DNASE1L3: variants seen among roughly 807,000 people sequenced by gnomAD.
DNASE1L3 encodes deoxyribonuclease gamma.
A neutral mutation model predicts 30.9 loss-of-function variants in DNASE1L3; 27 were observed. The ratio of observed to expected loss-of-function variants is 0.87; its 90% CI spans 0.64 to 1.20. The LOEUF (loss-of-function observed/expected upper bound fraction) is 1.20. DNASE1L3 is among the 50% of genes most tolerant of loss of function. The pLI, the probability that DNASE1L3 is intolerant of heterozygous loss-of-function variation, is 0.00. For missense variants in DNASE1L3, 364 were observed against 378.2 expected (o/e 0.96, Z 0.31); for synonymous variants, 135 against 138.0 (o/e 0.98, Z 0.15).
At chr3:58,198,113 C>G (rs866823892) in intron 5 of DNASE1L3, 135 bp from the exon 6 acceptor site, 2 of 990,170 alleles carry the variant, frequency 2.0e-6, no homozygotes, top group South Asian at 1.7e-5. Flanking sequence ...TTGTCTACCC[C>G]CTGCTCCCGC....
rs983288233 is a variant in DNASE1L3, at chr3:58,197,106, T to C, written c.704+715A>G. ...AACAATGATCAGCCCATGAATGTAA[T>C]GAGCACTTGCCGTATGCCAGGCATT... On this transcript the variant is annotated intron_variant, in intron 6 of 7. Transcript: ENST00000394549. This position sits in a 1 kb window ranked among gnomAD's most constrained non-coding sequence, Gnocchi z 5.3. 6.6e-6 allele frequency among the ~76,000 whole-genome samples: 1 copy of C among 152,202 alleles called. No homozygotes were observed. The highest frequency in any genetic ancestry group is 1.5e-5 in the Non-Finnish European group (1 of 68,026).
intron 5 of DNASE1L3, 121 bp from the exon 6 acceptor site, chr3:58,198,099 A>T: frequency 8.6e-7 from 1 of 1,158,482 alleles, no homozygotes; most frequent in Non-Finnish European, 1.2e-6. Flanking sequence ...TTATGGGCTG[A>T]ATCTTGTCTA....
In DNASE1L3 at chr3:58,192,325, C is replaced by T. The variant is rs187105769; in HGVS notation, c.*362G>A. The T allele has an allele frequency of 1.2e-5, 2 of 160,426 alleles. No homozygotes were observed. The highest frequency in any genetic ancestry group is 4.8e-5 in the African/African-American group (2 of 41,574). The allele number at this position is 160,426 out of a possible 1,614,324, so 9.9% of individuals were successfully genotyped here. A position where few individuals can be genotyped will look rare whatever the true frequency, so the allele number is the denominator to read the frequency against. On this transcript the variant is annotated 3_prime_UTR_variant, in exon 8 of 8. Coordinates refer to ENST00000394549, the MANE Select transcript of DNASE1L3 (RefSeq NM_004944.4). This position sits in a 1 kb window ranked among gnomAD's most constrained non-coding sequence, Gnocchi z 4.8. ...GGGGCCTTGGTGTTTCTGGTCATTG[C>T]GTGTGGAACAGGACCCCTCATGAGG...
rs114543979 is a variant in DNASE1L3 at position 58,200,384 on chromosome 3, C to T, written c.546+613G>A. Among the ~76,000 whole-genome samples the T allele has an allele frequency of 2.5e-3, 379 of 152,244 alleles. No homozygotes were observed. The highest frequency in any genetic ancestry group is 8.8e-3 in the African/African-American group (365 of 41,540). On this transcript the variant is annotated intron_variant, in intron 5 of 7. Coordinates refer to ENST00000394549, the MANE Select transcript of DNASE1L3 (RefSeq NM_004944.4). This position sits in a 1 kb window ranked among gnomAD's most constrained non-coding sequence, Gnocchi z 4.2. ...TGGTCTGGAGGCTGCTGGTGGCTGTCCTGCCATCCCAGGGATGGAACCAAC... is the reference window on the plus strand; with the variant it reads ...TGGTCTGGAGGCTGCTGGTGGCTGTTCTGCCATCCCAGGGATGGAACCAAC...
At chr3:58,206,818 C>T (rs535604839) in intron 2 of DNASE1L3, among the ~76,000 whole-genome samples, 4 of 152,250 alleles carry the variant, frequency 2.6e-5, no homozygotes, top group South Asian at 2.1e-4. Context: ...TCAGATGTGA[C>T]GCAAGTTCAA....
At position 58,201,107 on chromosome 3, in the gene DNASE1L3, C is replaced by A; in HGVS notation, c.436G>T (p.Val146Phe). 2 of 1,605,920 alleles carry A rather than the reference C, an allele frequency of 1.2e-6. No homozygotes were observed. The highest frequency in any genetic ancestry group is 1.7e-6 in the Non-Finnish European group (2 of 1,174,908). ...VVWFQSPHTAVKDFVIIPLHT... is the reference protein window; with the variant it reads ...VVWFQSPHTAFKDFVIIPLHT... ...AGGGGGATAATCACGAAGTCTTTGA[C>A]AGCTGAGAAACAGGAAAGAGGCGGG... The change falls in exon 5 of 8, where the codon GTC (valine) becomes TTC (phenylalanine). Residue 146 changes from valine (V) to phenylalanine (F), a missense_variant and splice_region_variant. By Grantham distance (50) the Val-to-Phe change is conservative (BLOSUM62 -1). Coordinates refer to ENST00000394549, the MANE Select transcript of DNASE1L3 (RefSeq NM_004944.4).
rs529897903 is a variant in DNASE1L3, at chr3:58,197,588, G to A, written c.704+233C>T. ...CCACCTCAGCCTCCTGAGTAGCTGG[G>A]AGTATAGGTGTGTGCCACCATGCCT... On this transcript the variant is annotated intron_variant, in intron 6 of 7. Coordinates refer to ENST00000394549, the MANE Select transcript of DNASE1L3 (RefSeq NM_004944.4). The surrounding 1 kb of genome is among the most constrained non-coding windows in gnomAD (Gnocchi z 5.3). Among the ~76,000 whole-genome samples, 8 of 152,312 alleles carry A rather than the reference G, an allele frequency of 5.3e-5. No homozygotes were observed. The highest frequency in any genetic ancestry group is 1.2e-4 in the Non-Finnish European group (8 of 68,030).
At chr3:58,207,394 G>GC (rs1224892226) in intron 2 of DNASE1L3, among the ~76,000 whole-genome samples, 1 of 149,134 alleles carries the variant, frequency 6.7e-6, no homozygotes, top group Non-Finnish European at 1.5e-5. Context: ...AGAAGCAAGT[G>GC]CCCCTCACTC....
chr3:58,192,568 G>T lies in DNASE1L3; in HGVS notation c.*119C>A. On this transcript the variant is annotated 3_prime_UTR_variant, in exon 8 of 8. Transcript: ENST00000394549. The surrounding 1 kb of genome is among the most constrained non-coding windows in gnomAD (Gnocchi z 4.8). Reference sequence around the variant, plus strand: ...TTTGGCTCAAGTCAGAATAAATTCAGGTCAAAAAATGAAAGCAGTTGGATC... The same window carrying T: ...TTTGGCTCAAGTCAGAATAAATTCATGTCAAAAAATGAAAGCAGTTGGATC... The T allele has an allele frequency of 9.0e-7, 1 of 1,114,488 alleles. No homozygotes were observed. The highest frequency in any genetic ancestry group is 1.3e-6 in the Non-Finnish European group (1 of 782,858). The allele number at this position is 1,114,488 out of a possible 1,614,324, so 69.0% of individuals were successfully genotyped here.
At chr3:58,201,435 G>A (rs959221698) in intron 4 of DNASE1L3, among the ~76,000 whole-genome samples, 3 of 152,222 alleles carry the variant, frequency 2.0e-5, no homozygotes, top group African/African-American at 4.8e-5. Context: ...AGAAATAATA[G>A]TTTCCTTTAA....
At chr3:58,206,203 T>A (rs1276253772) in intron 2 of DNASE1L3, among the ~76,000 whole-genome samples, 16 of 152,244 alleles carry the variant, frequency 1.1e-4, no homozygotes, top group Admixed American at 1.0e-3. Flanking sequence ...ACTCTTTCTG[T>A]GTGTTTACCA....
intron 3 of DNASE1L3, 65 bp from the exon 4 acceptor site, chr3:58,204,946 A>AGAG: frequency 1.3e-6 from 2 of 1,482,318 alleles, no homozygotes; most frequent in Non-Finnish European, 1.9e-6. Flanking sequence ...TTCATGAAGC[A>AGAG]GAGATGTAGG....
At chr3:58,209,192 T>A (rs1016303830) in intron 1 of DNASE1L3, among the ~76,000 whole-genome samples, 2 of 152,182 alleles carry the variant, frequency 1.3e-5, no homozygotes, top group Non-Finnish European at 2.9e-5. Flanking sequence ...GGGTAGCTCT[T>A]GCAGTGTTTT....
intron 1 of DNASE1L3, among the ~76,000 whole-genome samples, chr3:58,209,331 C>A (rs746825832): frequency 2.0e-5 from 3 of 152,144 alleles, no homozygotes; most frequent in African/African-American, 2.4e-5. Context: ...CACCAAGGAA[C>A]AAAAAGACAG....
At chr3:58,194,778 A>G (rs776304502) in intron 6 of DNASE1L3, among the ~76,000 whole-genome samples, 19 of 151,538 alleles carry the variant, frequency 1.3e-4, no homozygotes, top group Non-Finnish European at 2.2e-4. Flanking sequence ...GGTGCCCGGC[A>G]CCACGCCTGG....
intron 4 of DNASE1L3, among the ~76,000 whole-genome samples, chr3:58,202,205 G>A (rs1334779391): frequency 4.0e-5 from 6 of 150,332 alleles, no homozygotes; most frequent in Admixed American, 6.6e-5. Context: ...GAGTGCAATG[G>A]CACAATTTCG....
chr3:58,204,762 G>C lies in DNASE1L3; in HGVS notation c.433+7C>G. ...GTCCCAGACAGAAAGGCCTGTGTGG[G>C]TCTTACCAGTGTGGGGAGATTGGAA... is the stretch of plus-strand genomic sequence containing the variant. On this transcript the variant is annotated splice_region_variant and intron_variant, in intron 4 of 7. Coordinates refer to ENST00000394549, the MANE Select transcript of DNASE1L3 (RefSeq NM_004944.4). 1 of 1,613,446 alleles carries C rather than the reference G, an allele frequency of 6.2e-7. No individual in the cohort carries two copies. Among genetic ancestry groups the C allele is most frequent in the Non-Finnish European group, 8.5e-7 (1 of 1,179,428 alleles).
chr3:58,194,221 T>C (rs930717308), intron 6 of DNASE1L3, among the ~76,000 whole-genome samples: 2 of 151,598 alleles, frequency 1.3e-5, no homozygotes, highest in Non-Finnish European at 2.9e-5. Context: ...GCAAGGTGAG[T>C]CAAACTGCCA....
chr3:58,206,117 G>A (rs1010079447), intron 2 of DNASE1L3, among the ~76,000 whole-genome samples: 4 of 152,164 alleles, frequency 2.6e-5, no homozygotes, highest in African/African-American at 9.7e-5. Context: ...ATTCACTGTT[G>A]TTTATATCCT....
Sources: gnomAD v4.1 joint callset for allele counts (sites outside exome capture counted in the v4.1 genomes callset) on GRCh38, gnomAD v4.1.1 for gene constraint, Gnocchi (gnomAD v3.1) non-coding constraint, MANE v1.5 for transcripts, NCBI Gene and HGNC (gene_info 2026-07-23, HGNC 2026-07-21) for gene names.